The following ZNF423 variants were observed in gnomAD, a reference collection of about 807,000 sequenced individuals.
ZNF423 encodes Ebf-associated zinc finger protein.
Under a neutral mutation model 95.8 loss-of-function variants are expected in ZNF423, and 12 were observed. The observed-to-expected ratio is 0.13, with a 90% CI of 0.08 to 0.20. ZNF423 has a LOEUF of 0.20. Ranked by LOEUF, ZNF423 falls within the 10% of genes least tolerant of loss-of-function variation. The pLI is 1.00. For synonymous variants in ZNF423, 749 were observed against 711.9 expected (o/e 1.05, Z -0.83); for missense variants, 1,316 against 1,737.1 (o/e 0.76, Z 4.31).
intron 7 of ZNF423, among the ~76,000 whole-genome samples, chr16:49,520,942 G>A (rs1968371141): frequency 6.6e-6 from 1 of 152,204 alleles, no homozygotes; most frequent in Non-Finnish European, 1.5e-5. Flanking sequence ...AGAAAATAGT[G>A]ACTCGTTAAG....
intron 7 of ZNF423, among the ~76,000 whole-genome samples, chr16:49,506,471 T>C (rs1281763672): frequency 1.4e-5 from 2 of 145,402 alleles, no homozygotes; most frequent in Non-Finnish European, 3.0e-5. Context: ...GGTAGATGAA[T>C]GAATAGATGG....
At chr16:49,674,383 C>T (rs936419733) in intron 3 of ZNF423, among the ~76,000 whole-genome samples, 13 of 152,210 alleles carry the variant, frequency 8.5e-5, no homozygotes, top group African/African-American at 3.1e-4. Context: ...GCAGTCCAGT[C>T]GGTAATCCTG....
At chr16:49,569,871 T>A (rs1970303426) in intron 5 of ZNF423, among the ~76,000 whole-genome samples, 2 of 152,188 alleles carry the variant, frequency 1.3e-5, no homozygotes, top group African/African-American at 2.4e-5. Context: ...CACAGCAGCC[T>A]AGGAGGTCAG....
chr16:49,510,011 G>T (rs929708071), intron 7 of ZNF423, among the ~76,000 whole-genome samples: 2 of 152,246 alleles, frequency 1.3e-5, no homozygotes, highest in Non-Finnish European at 2.9e-5. Flanking sequence ...CTTACCACCA[G>T]GGTTGCAGGT....
At chr16:49,598,652 CCA>C (rs1971259473) in intron 5 of ZNF423, among the ~76,000 whole-genome samples, 1 of 152,244 alleles carries the variant, frequency 6.6e-6, no homozygotes, top group African/African-American at 2.4e-5. Context: ...GGCCATCACG[CCA>C]AAAGGCCCAG....
chr16:49,543,449 C>T (rs1969324455), intron 5 of ZNF423, among the ~76,000 whole-genome samples: 1 of 152,228 alleles, frequency 6.6e-6, no homozygotes, highest in African/African-American at 2.4e-5. Flanking sequence ...CAATTCAGCG[C>T]TCCAGAGGCA....
intron 1 of ZNF423, among the ~76,000 whole-genome samples, chr16:49,792,141 C>A (rs2143839329): frequency 6.6e-6 from 1 of 151,770 alleles, no homozygotes; most frequent in East Asian, 1.9e-4. Flanking sequence ...ATTTAGTCAT[C>A]TGCAGGTATC....
intron 5 of ZNF423, among the ~76,000 whole-genome samples, chr16:49,546,764 C>T (rs143647790): frequency 5.3e-5 from 8 of 152,278 alleles, no homozygotes; most frequent in African/African-American, 1.9e-4. Context: ...TTGTCCTGTG[C>T]TCCTCAGCCC....
intron 3 of ZNF423, among the ~76,000 whole-genome samples, chr16:49,696,613 C>A (rs2031981450): frequency 1.3e-5 from 2 of 152,150 alleles, no homozygotes; most frequent in South Asian, 4.1e-4. Flanking sequence ...GGAAGGAAAA[C>A]CCTGGGCCAC....
Position 49,733,132 on chromosome 16 carries a change from G to T in ZNF423, c.101-2161C>A, listed in dbSNP as rs146799637. Among the ~76,000 whole-genome samples, 7 of 152,210 alleles carry T rather than the reference G, an allele frequency of 4.6e-5. 1 individual carries two copies. In the East Asian group the frequency reaches 1.4e-3, roughly 29 times the overall value. On this transcript the variant is annotated intron_variant, in intron 2 of 7. Coordinates refer to ENST00000563137, the MANE Select transcript of ZNF423 (RefSeq NM_001379286.1). Reference sequence around the variant, plus strand: ...ATGAGAAATATCATTTGGAGCCTTCGATATTGTAAGTCATCATACAACCAT... The same window carrying T: ...ATGAGAAATATCATTTGGAGCCTTCTATATTGTAAGTCATCATACAACCAT...
At chr16:49,666,907 G>T (rs888336035) in intron 3 of ZNF423, among the ~76,000 whole-genome samples, 1 of 152,192 alleles carries the variant, frequency 6.6e-6, no homozygotes, top group East Asian at 1.9e-4. Context: ...GGGAAAGCAT[G>T]ATGCCAGGGG....
intron 7 of ZNF423, among the ~76,000 whole-genome samples, chr16:49,513,770 A>G (rs543374265): frequency 3.9e-5 from 6 of 152,256 alleles, no homozygotes; most frequent in Non-Finnish European, 8.8e-5. Context: ...CATATGGCCA[A>G]CGGAATCAGG....
intron 7 of ZNF423, among the ~76,000 whole-genome samples, chr16:49,522,637 T>A (rs1280412253): frequency 6.6e-6 from 1 of 152,166 alleles, no homozygotes; most frequent in Non-Finnish European, 1.5e-5. Flanking sequence ...GTGTGATATA[T>A]CTGTGGACAT....
chr16:49,524,763 C>T (rs1466718964), intron 6 of ZNF423, among the ~76,000 whole-genome samples: 2 of 152,194 alleles, frequency 1.3e-5, no homozygotes, highest in African/African-American at 4.8e-5. Context: ...GCAGGGAAGG[C>T]CAGGCTCTCC....
chr16:49,705,851 C>T (rs2032332807), intron 3 of ZNF423, among the ~76,000 whole-genome samples: 1 of 152,134 alleles, frequency 6.6e-6, no homozygotes, highest in Non-Finnish European at 1.5e-5. Flanking sequence ...CCCGGCCCCA[C>T]AGTAAGTTTA....
chr16:49,490,615 T>C lies in ZNF423; in HGVS notation c.*660A>G, dbSNP rs1478842108. 2.0e-5 allele frequency: 3 copies of C among 152,736 alleles called. No individual in the cohort carries two copies. The South Asian group carries it at 6.2e-4, about 32-fold the overall frequency. The allele number at this position is 152,736 out of a possible 1,614,324, so 9.5% of individuals were successfully genotyped here. On this transcript the variant is annotated 3_prime_UTR_variant, in exon 8 of 8. Transcript: ENST00000563137. ...ACCAGGCAGCCGGATGCTAATCGCA[T>C]GGATTCCCTTTATTGAACTGTACTA... is the stretch of plus-strand genomic sequence containing the variant.
At chr16:49,623,955 C>T (rs1441108744) in intron 5 of ZNF423, among the ~76,000 whole-genome samples, 2 of 152,214 alleles carry the variant, frequency 1.3e-5, no homozygotes, top group Non-Finnish European at 2.9e-5. Flanking sequence ...AAACCTTAAA[C>T]AAAACCTTGA....
At chr16:49,856,516 G>A (rs189365662), upstream of ZNF423, among the ~76,000 whole-genome samples, 615 of 151,376 alleles carry the variant, frequency 4.1e-3, 3 homozygotes, top group Admixed American at 9.8e-3. Flanking sequence ...CCAAGCGCCT[G>A]GTTTGGAGAT....
At chr16:49,695,763 A>G (rs1029112917) in intron 3 of ZNF423, among the ~76,000 whole-genome samples, 1 of 152,206 alleles carries the variant, frequency 6.6e-6, no homozygotes, top group African/African-American at 2.4e-5. Flanking sequence ...CATAAAGCAA[A>G]AAGAGTACTC....
Sources: allele counts gnomAD v4.1 joint callset (sites outside exome capture counted in the v4.1 genomes callset), GRCh38; gene constraint gnomAD v4.1.1; transcripts MANE v1.5; gene names NCBI Gene and HGNC (gene_info 2026-07-23, HGNC 2026-07-21).